Variants in RASEF observed in about 807,000 individuals in gnomAD.
The protein encoded by RASEF is ras and EF-hand domain-containing protein.
A neutral mutation model predicts 90.1 loss-of-function variants in RASEF; 68 were observed. The observed-to-expected ratio is 0.75, with a 90% CI of 0.62 to 0.92. The LOEUF (loss-of-function observed/expected upper bound fraction) is 0.92. RASEF is among the 40% of genes least tolerant of loss of function. The pLI is 0.00. For synonymous variants in RASEF, 331 were observed against 345.2 expected, an observed-to-expected ratio of 0.96 and a Z score of 0.46; for missense variants, 949 against 937.2, an observed-to-expected ratio of 1.01 and a Z score of -0.16.
upstream of RASEF, among the ~76,000 whole-genome samples, chr9:83,066,637 A>T (rs1830284073): frequency 6.6e-6 from 1 of 152,242 alleles, no homozygotes; most frequent in Non-Finnish European, 1.5e-5. Context: ...TCGAAAGATC[A>T]GCTTCCTCTC....
the RASEF span, among the ~76,000 whole-genome samples, chr9:83,104,473 A>G: frequency 3.9e-5 from 6 of 152,190 alleles, no homozygotes; most frequent in Non-Finnish European, 8.8e-5. Context: ...GAGATGGACA[A>G]TATAAGAGCC....
At chr9:83,179,304 A>T in the RASEF span, among the ~76,000 whole-genome samples, 1 of 152,142 alleles carries the variant, frequency 6.6e-6, no homozygotes, top group Non-Finnish European at 1.5e-5. Context: ...AGGCCCAGAG[A>T]AAAGTCATAG....
At chr9:82,990,023 G>T (rs1037942288) in intron 16 of RASEF, among the ~76,000 whole-genome samples, 1 of 152,116 alleles carries the variant, frequency 6.6e-6, no homozygotes, top group African/African-American at 2.4e-5. Context: ...AAATTGCTTT[G>T]TTTCTTTTTC....
At chr9:83,023,595 T>C (rs978604260) in intron 2 of RASEF, among the ~76,000 whole-genome samples, 1 of 152,222 alleles carries the variant, frequency 6.6e-6, no homozygotes, top group African/African-American at 2.4e-5. Flanking sequence ...ATTATTATCT[T>C]CTGTTCCTAT....
At chr9:83,017,852 T>C (rs1564078777) in intron 3 of RASEF, among the ~76,000 whole-genome samples, 2 of 152,184 alleles carry the variant, frequency 1.3e-5, no homozygotes, top group Non-Finnish European at 1.5e-5. Flanking sequence ...ACATCATAAC[T>C]AATTAGGGCC....
At chr9:83,141,020 G>GT in the RASEF span, among the ~76,000 whole-genome samples, 1 of 151,646 alleles carries the variant, frequency 6.6e-6, no homozygotes, top group South Asian at 2.1e-4. Flanking sequence ...GTGCACACCT[G>GT]TAATTCCAGC....
chr9:83,212,297 G>A, the RASEF span, among the ~76,000 whole-genome samples: 1 of 152,080 alleles, frequency 6.6e-6, no homozygotes, highest in African/African-American at 2.4e-5. Context: ...CTTAACTCTT[G>A]GATATATTAC....
intron 4 of RASEF, among the ~76,000 whole-genome samples, chr9:83,014,980 T>TAAAC (rs973929301): frequency 2.6e-5 from 4 of 152,148 alleles, no homozygotes; most frequent in South Asian, 2.1e-4. Flanking sequence ...CCAACCACAT[T>TAAAC]AAACAAACAA....
At chr9:83,119,537 C>T in the RASEF span, among the ~76,000 whole-genome samples, 1 of 152,220 alleles carries the variant, frequency 6.6e-6, no homozygotes, top group African/African-American at 2.4e-5. Flanking sequence ...CTGAAGACTT[C>T]CCCTCCACAT....
In RASEF at chr9:82,982,725, C is replaced by T. The variant is rs756862602; in HGVS notation, c.2175G>A (p.Gly725=). Reference sequence around the variant, plus strand: ...TCTGTGGTGACTTTTTGGAATTGGTCCCGGTTAGATTGGTAATGGATCTGC... The same window carrying T: ...TCTGTGGTGACTTTTTGGAATTGGTTCCGGTTAGATTGGTAATGGATCTGC... The part of the protein sequence containing the change: ...DDSRSITNLT[G]TNSKKSPQMK... Residue 725 remains glycine, a synonymous_variant, in exon 17 of 17, where the codon GGG becomes GGA. Coordinates refer to ENST00000376447, the MANE Select transcript of RASEF (RefSeq NM_152573.4). 5.0e-6 allele frequency: 8 copies of T among 1,611,944 alleles called. No individual in the cohort carries two copies. Among genetic ancestry groups the T allele is most frequent in the East Asian group, 2.2e-5 (1 of 44,830 alleles).
At chr9:83,003,880 A>AT (rs1206511421) in intron 9 of RASEF, among the ~76,000 whole-genome samples, 2 of 152,184 alleles carry the variant, frequency 1.3e-5, no homozygotes, top group East Asian at 1.9e-4. Context: ...AACACTGGAC[A>AT]TATGTGTATA....
intron 1 of RASEF, among the ~76,000 whole-genome samples, chr9:83,058,244 G>A (rs1175249777): frequency 7.2e-6 from 1 of 138,414 alleles, no homozygotes. Flanking sequence ...GTGCAGTGGC[G>A]CGATCTCGGC....
At chr9:83,086,260 A>T in the RASEF span, among the ~76,000 whole-genome samples, 1 of 152,196 alleles carries the variant, frequency 6.6e-6, no homozygotes, top group Non-Finnish European at 1.5e-5. Context: ...AAGAAGAAAA[A>T]TAAAGATCGT....
chr9:83,028,436 C>G (rs998945618), intron 1 of RASEF, among the ~76,000 whole-genome samples: 1 of 152,190 alleles, frequency 6.6e-6, no homozygotes, highest in African/African-American at 2.4e-5. Flanking sequence ...ACCAAAGCAA[C>G]AGCCACAGAA....
the RASEF span, among the ~76,000 whole-genome samples, chr9:83,178,770 A>G: frequency 2.0e-5 from 3 of 152,158 alleles, no homozygotes; most frequent in Non-Finnish European, 4.4e-5. Context: ...GGAATTGAGG[A>G]GCTTTCCTTA....
the RASEF span, among the ~76,000 whole-genome samples, chr9:83,188,071 T>A: frequency 6.6e-6 from 1 of 152,108 alleles, no homozygotes; most frequent in Admixed American, 6.5e-5. Context: ...TAAATGCCCC[T>A]AATGGTTATT....
intron 6 of RASEF, among the ~76,000 whole-genome samples, chr9:83,009,107 C>T (rs893206070): frequency 6.6e-6 from 1 of 151,044 alleles, no homozygotes; most frequent in East Asian, 1.9e-4. Flanking sequence ...ATATTTTTCC[C>T]AAGTGTACAT....
chr9:83,162,696 T>C, the RASEF span, among the ~76,000 whole-genome samples: 1 of 152,182 alleles, frequency 6.6e-6, no homozygotes, highest in Non-Finnish European at 1.5e-5. Flanking sequence ...CCCCAAAGAC[T>C]GAAGAGAGAG....
At chr9:83,216,833 A>G in the RASEF span, among the ~76,000 whole-genome samples, 7 of 152,036 alleles carry the variant, frequency 4.6e-5, no homozygotes, top group African/African-American at 1.4e-4. Flanking sequence ...CAAAGGGGCT[A>G]TAGGCCCCAT....
Sources: gnomAD v4.1 joint callset for allele counts (sites outside exome capture counted in the v4.1 genomes callset) on GRCh38, gnomAD v4.1.1 for gene constraint, MANE v1.5 for transcripts, NCBI Gene and HGNC (gene_info 2026-07-23, HGNC 2026-07-21) for gene names.